Variants in VCX3A observed in about 807,000 individuals in gnomAD.
VCX3A encodes the protein variable charge X-linked 3A.
For synonymous variants in VCX3A, 6 were observed against 69.9 expected (o/e 0.09, Z 4.56); for missense variants, 37 against 151.4 (o/e 0.24, Z 3.97).
At position 6,533,745 on chromosome X, in the gene VCX3A, C is replaced by G. The variant is rs766612183; in HGVS notation, c.561G>C (p.Ter187TyrextTer13). Residue 187 changes from the stop codon to tyrosine, a stop_lost, in exon 3 of 3, where the codon TAG becomes TAC. Transcript: ENST00000381089. ...CGGAGATAGGGGAGTAGCTGGCCGT[C>G]TACACACTCGGTAGTTCTTCCATCT... is the stretch of plus-strand genomic sequence containing the variant. ...ESEMEELPSV[*>Y] 8.3e-6 allele frequency: 10 copies of G among 1,197,816 alleles called. No homozygotes were observed. The highest frequency in any genetic ancestry group is 1.1e-5 in the Non-Finnish European group (10 of 890,112).
At position 6,533,730 on chromosome X, in the gene VCX3A, G is replaced by A. The variant is rs780820579; in HGVS notation, c.*15C>T. 4 of 1,181,031 alleles carry A rather than the reference G, an allele frequency of 3.4e-6. No individual in the cohort carries two copies. The highest frequency in any genetic ancestry group is 4.6e-6 in the Non-Finnish European group (4 of 878,016). On this transcript the variant is annotated 3_prime_UTR_variant, in exon 3 of 3. Coordinates refer to ENST00000381089, the MANE Select transcript of VCX3A (RefSeq NM_016379.4). The stretch of plus-strand genomic sequence containing the variant: ...CTTAGTCGCTGCTCTCGGAGATAGG[G>A]GAGTAGCTGGCCGTCTACACACTCG...
chrX:6,535,114 C>A lies in VCX3A; in HGVS notation c.-303G>T, dbSNP rs1921835418. On this transcript the variant is annotated 5_prime_UTR_variant, in exon 1 of 3. Transcript: ENST00000381089. The stretch of plus-strand genomic sequence containing the variant: ...CATCTCACATACTTCTCCCAGCATC[C>A]ACATAGTGCCTCACAATTTTTCATT... The A allele has an allele frequency of 8.9e-6, 1 of 112,818 alleles. No individual in the cohort carries two copies. Among genetic ancestry groups the A allele is most frequent in the Admixed American group, 9.0e-5 (1 of 11,070 alleles). The allele number at this position is 112,818 out of a possible 1,213,427, so 9.3% of individuals were successfully genotyped here. A position where few individuals can be genotyped will look rare whatever the true frequency, so the allele number is the denominator to read the frequency against.
At position 6,533,827 on chromosome X, in the gene VCX3A, ACC is replaced by A. The variant is rs1491539354; in HGVS notation, c.477_478del (p.Glu159AspfsTer?). On this transcript the variant is annotated frameshift_variant, in exon 3 of 3. Transcript: ENST00000381089. LOFTEE classifies it high-confidence loss of function. ...GCTCTCCTGACTCAGTGGTTCCTCCACCTCGCTCTCCTGACTCAGTGGTTCCT... is the reference window on the plus strand; with the variant it reads ...GCTCTCCTGACTCAGTGGTTCCTCCATCGCTCTCCTGACTCAGTGGTTCCT... 8.9e-6 allele frequency: 10 copies of A among 1,120,801 alleles called. No homozygotes were observed. The African/African-American group carries it at 1.6e-4, about 18-fold the overall frequency. 92.4% of individuals were successfully genotyped at this position (1,120,801 alleles called of 1,213,427 possible). A position where few individuals can be genotyped will look rare whatever the true frequency, so the allele number is the denominator to read the frequency against.
Position 6,533,733 on chromosome X carries a change from G to A in VCX3A, c.*12C>T, listed in dbSNP as rs375315595. 117 of 1,180,780 alleles carry A rather than the reference G, an allele frequency of 9.9e-5. 1 individual carries two copies. In the South Asian group the frequency reaches 1.4e-3, roughly 14 times the overall value. On this transcript the variant is annotated 3_prime_UTR_variant, in exon 3 of 3. Coordinates refer to ENST00000381089, the MANE Select transcript of VCX3A (RefSeq NM_016379.4). ...AGTCGCTGCTCTCGGAGATAGGGGA[G>A]TAGCTGGCCGTCTACACACTCGGTA... is the stretch of plus-strand genomic sequence containing the variant.
In VCX3A at chrX:6,533,771, C is replaced by G. The variant is rs373826288; in HGVS notation, c.535G>C (p.Glu179Gln). 6.1e-6 allele frequency: 7 copies of G among 1,143,868 alleles called. No homozygotes were observed. The highest frequency in any genetic ancestry group is 8.2e-6 in the Non-Finnish European group (7 of 851,596). 94.3% of individuals were successfully genotyped at this position (1,143,868 alleles called of 1,213,427 possible). A position where few individuals can be genotyped will look rare whatever the true frequency, so the allele number is the denominator to read the frequency against. ...QVEEPLSQESEMEELPSV is the reference protein window; with the variant it reads ...QVEEPLSQESQMEELPSV ...TACACACTCGGTAGTTCTTCCATCT[C>G]GCTCTCCTGACTCAGTGGTTCCTCC... Residue 179 changes from glutamate (E) to glutamine (Q), a missense_variant, in exon 3 of 3, where the codon GAG becomes CAG. Coordinates refer to ENST00000381089, the MANE Select transcript of VCX3A (RefSeq NM_016379.4).
At position 6,533,798 on chromosome X, in the gene VCX3A, CCTGGCTCTCCTGA is replaced by C. The variant is rs767307761; in HGVS notation, c.495_507del (p.Ser165ArgfsTer6). 9.1e-7 allele frequency: 1 copy of C among 1,095,144 alleles called. No individual in the cohort carries two copies. Among genetic ancestry groups the C allele is most frequent in the Non-Finnish European group, 1.2e-6 (1 of 823,040 alleles). The allele number at this position is 1,095,144 out of a possible 1,213,427, so 90.3% of individuals were successfully genotyped here. A position where few individuals can be genotyped will look rare whatever the true frequency, so the allele number is the denominator to read the frequency against. ...CTCTCCTGACTCAGTGGTTCCTCCA[CCTGGCTCTCCTGA>C]CTCAGTGGTTCCTCCACCTCGCTCT... On this transcript the variant is annotated frameshift_variant, in exon 3 of 3. Coordinates refer to ENST00000381089, the MANE Select transcript of VCX3A (RefSeq NM_016379.4). LOFTEE classifies it high-confidence loss of function.
rs370955913 is a variant in VCX3A, at chrX:6,533,938, G to A, written c.368C>T (p.Pro123Leu). The A allele has an allele frequency of 6.8e-5, 80 of 1,174,284 alleles. No individual in the cohort carries two copies. The East Asian group carries it at 2.3e-3, about 34-fold the overall frequency. The change falls in exon 3 of 3, where the codon CCA becomes CTA. Residue 123 changes from proline (P) to leucine (L), a missense_variant. Coordinates refer to ENST00000381089, the MANE Select transcript of VCX3A (RefSeq NM_016379.4). ...PLSQESEVEEPLSQESQVEEP... is the reference protein window; with the variant it reads ...PLSQESEVEELLSQESQVEEP... ...CTCCACCTGGCTCTCCTGACTCAGT[G>A]GTTCTTCCACCTCGCTCTCCTGACT... is the stretch of plus-strand genomic sequence containing the variant.
intron 1 of VCX3A, 26 bp from the exon 2 acceptor site, chrX:6,534,669 G>A (rs1290754772): frequency 1.7e-5 from 10 of 578,920 alleles, no homozygotes; most frequent in Admixed American, 1.0e-4. Context: ...GGCCTTATAC[G>A]TCACAACGCA....
At position 6,533,762 on chromosome X, in the gene VCX3A, C is replaced by G; in HGVS notation, c.544G>C (p.Glu182Gln). Residue 182 changes from glutamate (E) to glutamine (Q), a missense_variant, in exon 3 of 3, where the codon GAA (glutamate) becomes CAA (glutamine). Glu to Gln is a conservative substitution (Grantham distance 29, BLOSUM62 2). Coordinates refer to ENST00000381089, the MANE Select transcript of VCX3A (RefSeq NM_016379.4). Reference sequence around the variant, plus strand: ...CTGGCCGTCTACACACTCGGTAGTTCTTCCATCTCGCTCTCCTGACTCAGT... The same window carrying G: ...CTGGCCGTCTACACACTCGGTAGTTGTTCCATCTCGCTCTCCTGACTCAGT... ...EPLSQESEME[E>Q]LPSV 3 of 1,202,227 alleles carry G rather than the reference C, an allele frequency of 2.5e-6. No individual in the cohort carries two copies. The highest frequency in any genetic ancestry group is 3.4e-6 in the Non-Finnish European group (3 of 891,269).
At position 6,533,706 on chromosome X, in the gene VCX3A, T is replaced by G. The variant is rs1229970811; in HGVS notation, c.*39A>C. The G allele has an allele frequency of 2.5e-6, 3 of 1,185,292 alleles. No individual in the cohort carries two copies. The highest frequency in any genetic ancestry group is 3.0e-5 in the East Asian group (1 of 33,708). ...TGAGGTCTGGCGGCTGGGCCTGAACTTAGTCGCTGCTCTCGGAGATAGGGG... is the reference window on the plus strand; with the variant it reads ...TGAGGTCTGGCGGCTGGGCCTGAACGTAGTCGCTGCTCTCGGAGATAGGGG... On this transcript the variant is annotated 3_prime_UTR_variant, in exon 3 of 3. Transcript: ENST00000381089.
chrX:6,533,691 C>A lies in VCX3A; in HGVS notation c.*54G>T, dbSNP rs756936092. On this transcript the variant is annotated 3_prime_UTR_variant, in exon 3 of 3. Coordinates refer to ENST00000381089, the MANE Select transcript of VCX3A (RefSeq NM_016379.4). ...CGCTGGTGAGATCTCTGAGGTCTGGCGGCTGGGCCTGAACTTAGTCGCTGC... is the reference window on the plus strand; with the variant it reads ...CGCTGGTGAGATCTCTGAGGTCTGGAGGCTGGGCCTGAACTTAGTCGCTGC... 1.1e-4 allele frequency: 126 copies of A among 1,177,330 alleles called. 2 individuals are homozygous for A. Among genetic ancestry groups the A allele is most frequent in the East Asian group, 3.6e-4 (12 of 33,498 alleles).
In VCX3A at chrX:6,533,653, A is replaced by T; in HGVS notation, c.*92T>A. 1 of 1,147,661 alleles carries T rather than the reference A, an allele frequency of 8.7e-7. No homozygotes were observed. Among genetic ancestry groups the T allele is most frequent in the Non-Finnish European group, 1.2e-6 (1 of 858,085 alleles). 94.6% of individuals were successfully genotyped at this position (1,147,661 alleles called of 1,213,427 possible). A position where few individuals can be genotyped will look rare whatever the true frequency, so the allele number is the denominator to read the frequency against. The stretch of plus-strand genomic sequence containing the variant: ...ACACATTCATTTTATTATCTTCAGA[A>T]TGGCAAGCACCCCGCTGGTGAGATC... On this transcript the variant is annotated 3_prime_UTR_variant, in exon 3 of 3. Transcript: ENST00000381089.
In VCX3A at chrX:6,533,629, C is replaced by A. The variant is rs1161752008; in HGVS notation, c.*116G>T. 28 of 1,015,985 alleles carry A rather than the reference C, an allele frequency of 2.8e-5. No individual in the cohort carries two copies. The highest frequency in any genetic ancestry group is 3.6e-5 in the Non-Finnish European group (27 of 759,266). The allele number at this position is 1,015,985 out of a possible 1,213,427, so 83.7% of individuals were successfully genotyped here. ...CAGAGTCACTCAGATCAATTTGCAA[C>A]ACATTCATTTTATTATCTTCAGAAT... On this transcript the variant is annotated 3_prime_UTR_variant, in exon 3 of 3. Coordinates refer to ENST00000381089, the MANE Select transcript of VCX3A (RefSeq NM_016379.4).
In VCX3A at chrX:6,533,740, G is replaced by A. The variant is rs1412143792; in HGVS notation, c.*5C>T. Reference sequence around the variant, plus strand: ...GCTCTCGGAGATAGGGGAGTAGCTGGCCGTCTACACACTCGGTAGTTCTTC... The same window carrying A: ...GCTCTCGGAGATAGGGGAGTAGCTGACCGTCTACACACTCGGTAGTTCTTC... On this transcript the variant is annotated 3_prime_UTR_variant, in exon 3 of 3. Transcript: ENST00000381089. 1 of 1,193,047 alleles carries A rather than the reference G, an allele frequency of 8.4e-7. No individual in the cohort carries two copies. The highest frequency in any genetic ancestry group is 1.1e-6 in the Non-Finnish European group (1 of 886,354).
rs1170652947 is a variant in VCX3A at position 6,534,659 on chromosome X, G to C, written c.-146-16C>G. 1 of 711,151 alleles carries C rather than the reference G, an allele frequency of 1.4e-6. No homozygotes were observed. The highest frequency in any genetic ancestry group is 3.5e-5 in the African/African-American group (1 of 28,771). The allele number at this position is 711,151 out of a possible 1,213,427, so 58.6% of individuals were successfully genotyped here. On this transcript the variant is annotated splice_polypyrimidine_tract_variant and intron_variant, in intron 1 of 2. Transcript: ENST00000381089. Reference sequence around the variant, plus strand: ...AATGGTAGCCCTGGGTGGGAAGGAAGGCCTTATACGTCACAACGCACCATC... The same window carrying C: ...AATGGTAGCCCTGGGTGGGAAGGAACGCCTTATACGTCACAACGCACCATC...
chrX:6,533,974 T>C lies in VCX3A; in HGVS notation c.332A>G (p.Glu111Gly), dbSNP rs374964199. Residue 111 changes from glutamate (E) to glycine (G), a missense_variant, in exon 3 of 3, where the codon GAG becomes GGG. By Grantham distance (98) the Glu-to-Gly change is moderately conservative. Transcript: ENST00000381089. ...HDPLSQESEL[E>G]EPLSQESEVE... is the part of the protein sequence containing the mutation. Reference sequence around the variant, plus strand: ...CTCGCTCTCCTGACTCAGTGGTTCCTCCAGCTCGCTCTCCTGACTCAGGGG... The same window carrying C: ...CTCGCTCTCCTGACTCAGTGGTTCCCCCAGCTCGCTCTCCTGACTCAGGGG... The C allele has an allele frequency of 1.7e-6, 2 of 1,194,269 alleles. No individual in the cohort carries two copies. The highest frequency in any genetic ancestry group is 2.3e-6 in the Non-Finnish European group (2 of 887,237).
At chrX:6,534,717 G>GGGA (rs1555898121) in intron 1 of VCX3A, 74 bp from the exon 2 acceptor site, 1 of 314,136 alleles carries the variant, frequency 3.2e-6, no homozygotes, top group Non-Finnish European at 5.3e-6. Context: ...GGGCGGGGGG[G>GGGA]GGTGACATCT....
In VCX3A at chrX:6,533,723, AGATAGG is replaced by A. The variant is rs1206288754; in HGVS notation, c.*16_*21del. ...GCCTGAACTTAGTCGCTGCTCTCGG[AGATAGG>A]GGAGTAGCTGGCCGTCTACACACTC... On this transcript the variant is annotated 3_prime_UTR_variant, in exon 3 of 3. Coordinates refer to ENST00000381089, the MANE Select transcript of VCX3A (RefSeq NM_016379.4). The A allele has an allele frequency of 1.7e-6, 2 of 1,180,213 alleles. No homozygotes were observed. The highest frequency in any genetic ancestry group is 2.3e-6 in the Non-Finnish European group (2 of 877,681).
At chrX:6,534,734 G>T (rs1156731698) in intron 1 of VCX3A, 91 bp from the exon 2 acceptor site, 2 of 379,622 alleles carry the variant, frequency 5.3e-6, no homozygotes, top group Non-Finnish European at 8.9e-6. Context: ...ATCTAATGAG[G>T]AAGGCAGGGT....
Sources: allele counts gnomAD v4.1 joint callset, GRCh38; gene constraint gnomAD v4.1.1; transcripts MANE v1.5; gene names NCBI Gene and HGNC (gene_info 2026-07-23, HGNC 2026-07-21).